Variants in CDKN2B-AS1 observed in about 807,000 individuals in gnomAD.
CDKN2B-AS1 encodes CDKN2B and CDKN2A antisense cis and trans regulatory RNA 1, also known as CDKN2B antisense RNA 1 (non-protein coding).
intron 3 of CDKN2B-AS1, among the ~76,000 whole-genome samples, chr9:22,051,396 A>G (rs553778394): frequency 6.6e-6 from 1 of 152,300 alleles, no homozygotes; most frequent in South Asian, 2.1e-4. Flanking sequence ...CTTTATTCCC[A>G]AAGAGTTATG....
chr9:22,029,680 C>G (rs1258421566), intron 1 of CDKN2B-AS1: 5 of 470,634 alleles, frequency 1.1e-5, no homozygotes, highest in East Asian at 9.6e-5. Flanking sequence ...CAAATTTAAT[C>G]TTTACATTAT....
chr9:22,070,235 T>A (rs1587489110), intron 4 of CDKN2B-AS1, among the ~76,000 whole-genome samples: 1 of 152,176 alleles, frequency 6.6e-6, no homozygotes, highest in South Asian at 2.1e-4. Context: ...TTTGGAGGAA[T>A]TAGAGTTAAT....
intron 1 of CDKN2B-AS1, among the ~76,000 whole-genome samples, chr9:22,009,770 T>G (rs993550487): frequency 9.9e-5 from 15 of 152,222 alleles, no homozygotes; most frequent in African/African-American, 3.4e-4. Context: ...AGGCAGTACT[T>G]GGGCTTCACA....
chr9:22,008,956 C>G, intron 1 of CDKN2B-AS1: 1 of 1,613,106 alleles, frequency 6.2e-7, no homozygotes. Context: ...TCGCGCATTC[C>G]GCAGCCCCCA....
chr9:22,112,373 A>G (rs1825825524), intron 4 of CDKN2B-AS1: 1 of 152,200 alleles, frequency 6.6e-6, no homozygotes, highest in South Asian at 2.1e-4. Flanking sequence ...CCCGAGTTCT[A>G]CGTTCTACAA....
At chr9:22,116,219 G>A (rs1825946272) in intron 4 of CDKN2B-AS1, among the ~76,000 whole-genome samples, 1 of 152,162 alleles carries the variant, frequency 6.6e-6, no homozygotes, top group Non-Finnish European at 1.5e-5. Flanking sequence ...TACTCCCCAT[G>A]ATATGTATAT....
At chr9:22,047,809 C>T (rs1462090796) in intron 2 of CDKN2B-AS1, among the ~76,000 whole-genome samples, 14 of 148,856 alleles carry the variant, frequency 9.4e-5, no homozygotes, top group African/African-American at 3.5e-4. Context: ...TTTTTTTAGA[C>T]AGGGAATCAT....
chr9:22,127,870 T>G (rs1168602546), exon 5 of CDKN2B-AS1, among the ~76,000 whole-genome samples: 1 of 152,200 alleles, frequency 6.6e-6, no homozygotes. Context: ...GAATGCAAAT[T>G]TCTCAATGTA....
Position 22,116,708 on chromosome 9 carries a change from G to A in CDKN2B-AS1, n.439-10395G>A, listed in dbSNP as rs117290292. Among the ~76,000 whole-genome samples, 656 of 152,306 alleles carry A rather than the reference G, an allele frequency of 4.3e-3. 9 individuals are homozygous for A. In the East Asian group the frequency reaches 0.056, roughly 13 times the overall value. On this transcript the variant is annotated intron_variant and non_coding_transcript_variant, in intron 4 of 4. Coordinates refer to ENST00000650946, the Ensembl canonical transcript of CDKN2B-AS1. ...CAATGTGGGACCACAGGGGATGAAA[G>A]GGAGGCTGATTGGAGAAATAGGCAG...
At chr9:22,035,169 T>C (rs1208774419) in intron 1 of CDKN2B-AS1, among the ~76,000 whole-genome samples, 1 of 152,132 alleles carries the variant, frequency 6.6e-6, no homozygotes, top group Admixed American at 6.5e-5. Context: ...TTTAGGTTGT[T>C]GTCTAACTAA....
intron 1 of CDKN2B-AS1, among the ~76,000 whole-genome samples, chr9:22,040,183 C>T (rs917966364): frequency 2.0e-5 from 3 of 151,990 alleles, no homozygotes; most frequent in African/African-American, 7.2e-5. Context: ...GCAGTCCTAG[C>T]CGACTAACAC....
chr9:22,109,171 T>C (rs1399442722), intron 4 of CDKN2B-AS1, among the ~76,000 whole-genome samples: 1 of 152,236 alleles, frequency 6.6e-6, no homozygotes, highest in East Asian at 1.9e-4. Flanking sequence ...TTGCAGGTCA[T>C]GTCACCTGAC....
intron 4 of CDKN2B-AS1, chr9:22,120,597 C>T (rs1434306238): frequency 6.6e-6 from 1 of 151,968 alleles, no homozygotes; most frequent in Non-Finnish European, 1.5e-5. Context: ...CTATATCTCT[C>T]TACTAATGGT....
At chr9:22,037,361 A>G (rs1187841549) in intron 1 of CDKN2B-AS1, among the ~76,000 whole-genome samples, 2 of 151,992 alleles carry the variant, frequency 1.3e-5, no homozygotes, top group Non-Finnish European at 2.9e-5. Flanking sequence ...CCTCACTTCT[A>G]TCTCTAGCCA....
At chr9:22,037,131 G>A (rs1005638586) in intron 1 of CDKN2B-AS1, among the ~76,000 whole-genome samples, 9 of 152,070 alleles carry the variant, frequency 5.9e-5, no homozygotes, top group Middle Eastern at 3.4e-3. Flanking sequence ...TTCTATTATG[G>A]GGCCTGGCCT....
intron 4 of CDKN2B-AS1, among the ~76,000 whole-genome samples, chr9:22,077,194 T>C (rs1275503364): frequency 6.6e-6 from 1 of 152,164 alleles, no homozygotes; most frequent in East Asian, 1.9e-4. Flanking sequence ...ATGCAATAGT[T>C]TTCTTTTTGT....
chr9:22,032,307 T>G (rs183752327), intron 1 of CDKN2B-AS1, among the ~76,000 whole-genome samples: 1 of 152,156 alleles, frequency 6.6e-6, no homozygotes, highest in Non-Finnish European at 1.5e-5. Flanking sequence ...ACCTTTTCTT[T>G]TTCTCTTATT....
chr9:22,062,104 G>A (rs1166229165), intron 4 of CDKN2B-AS1: 3 of 152,120 alleles, frequency 2.0e-5, no homozygotes, highest in Admixed American at 6.5e-5. Context: ...GTCTGTGAAG[G>A]GAAGATACAG....
At chr9:22,084,670 G>C (rs1824808057) in intron 4 of CDKN2B-AS1, among the ~76,000 whole-genome samples, 1 of 152,202 alleles carries the variant, frequency 6.6e-6, no homozygotes, top group East Asian at 1.9e-4. Context: ...AAACTAAAAT[G>C]GGTTCTTGGT....
Sources: gnomAD v4.1 joint callset for allele counts (sites outside exome capture counted in the v4.1 genomes callset) on GRCh38, gnomAD v4.1.1 for gene constraint, MANE v1.5 for transcripts, NCBI Gene and HGNC (gene_info 2026-07-23, HGNC 2026-07-21) for gene names.